GRIP1: variants seen among roughly 807,000 people sequenced by gnomAD.
The protein encoded by GRIP1 is glutamate receptor interacting protein 1.
A neutral mutation model predicts 129.9 loss-of-function variants in GRIP1; 45 were observed. The ratio of observed to expected loss-of-function variants is 0.35; its 90% CI spans 0.27 to 0.44. The LOEUF is 0.44. Ranked by LOEUF, GRIP1 falls within the 20% of genes least tolerant of loss-of-function variation. The pLI, the probability that GRIP1 is intolerant of heterozygous loss-of-function variation, is 1.00. For missense variants in GRIP1, 1,196 were observed against 1,396.8 expected (o/e 0.86, Z 2.29); for synonymous variants, 530 against 520.8 (o/e 1.02, Z -0.24).
chr12:67,060,845 ATG>A (rs1397939602), intron 1 of GRIP1, among the ~76,000 whole-genome samples: 33 of 99,056 alleles, frequency 3.3e-4, no homozygotes, highest in African/African-American at 9.2e-4. Context: ...AAAAAAAAAA[ATG>A]TGTTGGCAGT....
chr12:66,446,809 T>G (rs2058643203), intron 11 of GRIP1, among the ~76,000 whole-genome samples: 1 of 152,172 alleles, frequency 6.6e-6, no homozygotes, highest in Non-Finnish European at 1.5e-5. Flanking sequence ...TTCCACTCTC[T>G]GCCAGCAGAG....
rs1365408823 is a variant in GRIP1, at chr12:66,838,703, T to C, written c.58+230347A>G. On this transcript the variant is annotated intron_variant, in intron 1 of 1. Coordinates refer to the GRIP1 transcript ENST00000643019. ...GTACTTTGATTTGGACTGATAAAAA[T>C]AGGTGAGTTGATTCAGGTAATTCTT... Among the ~76,000 whole-genome samples the C allele has an allele frequency of 4.6e-5, 7 of 152,102 alleles. No homozygotes were observed. In the East Asian group the frequency reaches 5.8e-4, roughly 13 times the overall value.
At chr12:67,010,567 A>G (rs1378412294) in intron 1 of GRIP1, among the ~76,000 whole-genome samples, 2 of 152,292 alleles carry the variant, frequency 1.3e-5, no homozygotes, top group Admixed American at 6.5e-5. Context: ...ACTTAGGGAG[A>G]GTGACAAGAA....
At chr12:67,010,927 T>C (rs922713558) in intron 1 of GRIP1, among the ~76,000 whole-genome samples, 5 of 152,138 alleles carry the variant, frequency 3.3e-5, no homozygotes, top group African/African-American at 1.2e-4. Context: ...AAACTATAAA[T>C]GCTTGAGTTC....
intron 3 of GRIP1, among the ~76,000 whole-genome samples, chr12:66,539,545 C>CTTTTTTTTTTTTTTTTTTTTTTT (rs35373698): frequency 1.3e-4 from 8 of 59,292 alleles, no homozygotes; most frequent in South Asian, 1.0e-3. Flanking sequence ...TCAAGAGAAG[C>CTTTTTTTTTTTTTTTTTTTTTTT]TTTTTTTTTT....
chr12:66,481,377 G>T (rs1339486936), intron 7 of GRIP1, among the ~76,000 whole-genome samples: 1 of 152,140 alleles, frequency 6.6e-6, no homozygotes, highest in Non-Finnish European at 1.5e-5. Flanking sequence ...TTAGAGAAAT[G>T]CAAATCAAAT....
chr12:66,867,143 C>T (rs961162600), intron 1 of GRIP1, among the ~76,000 whole-genome samples: 2 of 152,086 alleles, frequency 1.3e-5, no homozygotes, highest in African/African-American at 4.8e-5. Flanking sequence ...CGCAAGCTAC[C>T]ACACCTGGCT....
intron 1 of GRIP1, among the ~76,000 whole-genome samples, chr12:66,973,135 AT>A (rs1213820409): frequency 2.6e-5 from 4 of 151,998 alleles, no homozygotes; most frequent in Non-Finnish European, 4.4e-5. Flanking sequence ...CACAGCCACC[AT>A]TTTTTTCTAT....
At chr12:66,802,392 T>C (rs554918934) in intron 1 of GRIP1, among the ~76,000 whole-genome samples, 89 of 152,296 alleles carry the variant, frequency 5.8e-4, no homozygotes, top group Non-Finnish European at 1.0e-3. Flanking sequence ...ACAAATGAGA[T>C]AAAACGTGAT....
intron 1 of GRIP1, among the ~76,000 whole-genome samples, chr12:66,824,166 T>G (rs1342472338): frequency 6.6e-6 from 1 of 152,096 alleles, no homozygotes; most frequent in Non-Finnish European, 1.5e-5. Flanking sequence ...TGGGGCACAA[T>G]CCCTAAACAC....
At chr12:66,937,149 G>A (rs191733571) in intron 1 of GRIP1, among the ~76,000 whole-genome samples, 15 of 152,070 alleles carry the variant, frequency 9.9e-5, no homozygotes, top group African/African-American at 3.1e-4. Flanking sequence ...ATTCCTCCCC[G>A]AGATACCTGA....
At position 66,362,142 on chromosome 12, in the gene GRIP1, C is replaced by CTTT. The variant is rs10589880; in HGVS notation, c.3013-8582_3013-8580dup. 2.8e-4 allele frequency among the ~76,000 whole-genome samples: 26 copies of CTTT among 91,674 alleles called. 1 individual carries two copies. Among genetic ancestry groups the CTTT allele is most frequent in the Non-Finnish European group, 4.9e-4 (24 of 49,432 alleles). The allele number at this position is 91,674 out of a possible 152,430, so 60.1% of individuals were successfully genotyped here. Reference sequence around the variant, plus strand: ...TGGGCTAGAGTGTTACCAATTTAATCTTTTTTTTTTTTTTTTTTTTTTTTT... The same window carrying CTTT: ...TGGGCTAGAGTGTTACCAATTTAATCTTTTTTTTTTTTTTTTTTTTTTTTTTTT... On this transcript the variant is annotated intron_variant, in intron 23 of 24. Transcript: ENST00000359742.
rs888892480 is a variant in GRIP1, at chr12:66,491,389, A to G, written c.724+24230T>C. ...AGAATACCAAATACTGCATGTCCTC[A>G]TTTATAAGTGGGAACTGAATGATGA... On this transcript the variant is annotated intron_variant, in intron 7 of 24. Transcript: ENST00000359742. 2.0e-4 allele frequency among the ~76,000 whole-genome samples: 31 copies of G among 152,202 alleles called. 1 individual carries two copies. The highest frequency in any genetic ancestry group is 2.0e-3 in the Admixed American group (31 of 15,272).
chr12:66,818,151 T>G (rs1000705653), intron 1 of GRIP1, among the ~76,000 whole-genome samples: 1 of 152,236 alleles, frequency 6.6e-6, no homozygotes, highest in Non-Finnish European at 1.5e-5. Context: ...GAATATATCT[T>G]GACACATCAT....
chr12:66,424,295 T>G (rs1030675603), intron 14 of GRIP1, among the ~76,000 whole-genome samples: 1 of 152,188 alleles, frequency 6.6e-6, no homozygotes, highest in Non-Finnish European at 1.5e-5. Context: ...ACTTACTATA[T>G]TACTTTTTAA....
At chr12:67,013,877 G>A (rs1342130498) in intron 1 of GRIP1, among the ~76,000 whole-genome samples, 1 of 152,142 alleles carries the variant, frequency 6.6e-6, no homozygotes, top group African/African-American at 2.4e-5. Context: ...AACCAATAAG[G>A]ACTTGGAATT....
At chr12:66,638,046 G>C (rs1253498048) in intron 1 of GRIP1, among the ~76,000 whole-genome samples, 1 of 152,196 alleles carries the variant, frequency 6.6e-6, no homozygotes, top group Non-Finnish European at 1.5e-5. Context: ...TGTAAAGTCT[G>C]AGGGCCATTT....
chr12:66,649,258 C>T (rs903028196), intron 1 of GRIP1, among the ~76,000 whole-genome samples: 1 of 152,182 alleles, frequency 6.6e-6, no homozygotes, highest in Non-Finnish European at 1.5e-5. Flanking sequence ...AGGGTGCATG[C>T]ATCTACCAGG....
At chr12:67,029,770 T>C (rs1273699559) in intron 1 of GRIP1, among the ~76,000 whole-genome samples, 1 of 152,096 alleles carries the variant, frequency 6.6e-6, no homozygotes, top group East Asian at 1.9e-4. Flanking sequence ...CCTTAACTAG[T>C]GATACTGCAG....
Sources: allele counts gnomAD v4.1 joint callset (sites outside exome capture counted in the v4.1 genomes callset), GRCh38; gene constraint gnomAD v4.1.1; transcripts MANE v1.5; gene names NCBI Gene and HGNC (gene_info 2026-07-23, HGNC 2026-07-21).